Variants in MYO9A observed in about 807,000 individuals in gnomAD.
MYO9A encodes myosin IXA.
Under a neutral mutation model 293.3 loss-of-function variants are expected in MYO9A, and 103 were observed. The ratio of observed to expected loss-of-function variants is 0.35; its 90% CI spans 0.30 to 0.41. The LOEUF (loss-of-function observed/expected upper bound fraction) is 0.41, where lower values mean the gene tolerates loss of function less well. Among genes scored for constraint, MYO9A ranks in the 10% least tolerant of loss-of-function variants. The probability of loss-of-function intolerance (pLI) is 1.00; values close to 1 mark genes in which losing one functional copy is unlikely to be tolerated. For synonymous variants in MYO9A, 1,001 were observed against 1,035.7 expected, an observed-to-expected ratio of 0.97 and a Z score of 0.64; for missense variants, 2,685 against 3,033.0, an observed-to-expected ratio of 0.89 and a Z score of 2.69.
intron 30 of MYO9A, among the ~76,000 whole-genome samples, chr15:71,878,589 T>C (rs932949133): frequency 2.0e-5 from 3 of 152,314 alleles, no homozygotes; most frequent in African/African-American, 4.8e-5. Context: ...GGTTCTACTC[T>C]AAAATTGAAA....
chr15:71,832,941 C>T (rs1421253555), intron 39 of MYO9A, among the ~76,000 whole-genome samples: 1 of 151,874 alleles, frequency 6.6e-6, no homozygotes, highest in Non-Finnish European at 1.5e-5. Context: ...ACTGATAGAT[C>T]ACAGATCTGT....
intron 38 of MYO9A, 53 bp from the exon 39 acceptor site, chr15:71,849,021 A>G: frequency 6.7e-7 from 1 of 1,494,394 alleles, no homozygotes; most frequent in South Asian, 1.4e-5. Flanking sequence ...TAAATAAAGT[A>G]TAGCACTCAC....
chr15:72,087,761 T>C (rs979599301), intron 1 of MYO9A, among the ~76,000 whole-genome samples: 2 of 152,150 alleles, frequency 1.3e-5, no homozygotes, highest in Non-Finnish European at 2.9e-5. Context: ...ACCTTCCTCC[T>C]TTCTTTCTCA....
intron 33 of MYO9A, among the ~76,000 whole-genome samples, chr15:71,860,282 A>G (rs369187603): frequency 3.9e-5 from 6 of 152,348 alleles, no homozygotes; most frequent in East Asian, 1.9e-4. Context: ...TTAAGATATA[A>G]GAAAGGTCTT....
intron 33 of MYO9A, among the ~76,000 whole-genome samples, chr15:71,860,782 C>T (rs2141696667): frequency 6.6e-6 from 1 of 151,968 alleles, no homozygotes; most frequent in Non-Finnish European, 1.5e-5. Context: ...GCCTGATCAA[C>T]ATGGTAAAAC....
At chr15:72,097,871 C>T (rs2080115990) in intron 1 of MYO9A, among the ~76,000 whole-genome samples, 1 of 152,088 alleles carries the variant, frequency 6.6e-6, no homozygotes, top group South Asian at 2.1e-4. Flanking sequence ...GATCACACCA[C>T]TTCACTCCAG....
At chr15:72,064,698 T>C (rs1566999776) in intron 1 of MYO9A, among the ~76,000 whole-genome samples, 2 of 152,270 alleles carry the variant, frequency 1.3e-5, no homozygotes, top group East Asian at 1.9e-4. Flanking sequence ...AAACAAAATA[T>C]ACGTAAGGTC....
intron 1 of MYO9A, among the ~76,000 whole-genome samples, chr15:72,078,264 T>C (rs2079432917): frequency 6.6e-6 from 1 of 152,044 alleles, no homozygotes; most frequent in Admixed American, 6.6e-5. Context: ...AAGGCTGAGG[T>C]GGGAGGAACG....
intron 1 of MYO9A, among the ~76,000 whole-genome samples, chr15:72,078,883 T>C (rs1412737674): frequency 6.6e-6 from 1 of 152,328 alleles, no homozygotes; most frequent in Non-Finnish European, 1.5e-5. Context: ...GCCTATGTAC[T>C]GTATGATTCC....
At chr15:72,050,627 T>TAAAC (rs768371282) in intron 1 of MYO9A, among the ~76,000 whole-genome samples, 41 of 150,722 alleles carry the variant, frequency 2.7e-4, no homozygotes, top group Non-Finnish European at 5.3e-4. Context: ...AATAAATAAA[T>TAAAC]AAACAAACAA....
At chr15:71,925,436 C>T (rs143199732) in intron 18 of MYO9A, among the ~76,000 whole-genome samples, 4 of 150,704 alleles carry the variant, frequency 2.7e-5, no homozygotes, top group African/African-American at 7.4e-5. Context: ...TATATAGATA[C>T]GTATATACAT....
At chr15:71,892,047 T>C (rs1163627016) in intron 26 of MYO9A, 1 of 152,180 alleles carries the variant, frequency 6.6e-6, no homozygotes, top group African/African-American at 2.4e-5. Flanking sequence ...ATCAGTGATG[T>C]TCTGGTTCAT....
chr15:72,076,756 T>C (rs960905683), intron 1 of MYO9A, among the ~76,000 whole-genome samples: 24 of 152,244 alleles, frequency 1.6e-4, no homozygotes, highest in Admixed American at 1.0e-3. Flanking sequence ...ATCGTTTATA[T>C]GGAAAAGTAA....
intron 32 of MYO9A, among the ~76,000 whole-genome samples, chr15:71,867,075 AACACACACAC>A (rs35264363): frequency 9.5e-5 from 14 of 148,098 alleles, no homozygotes; most frequent in Middle Eastern, 3.4e-3. Context: ...CAAAAAACAA[AACACACACAC>A]ACACACACAC....
rs772970119 is a variant in MYO9A, at chr15:71,902,920, A to T, written c.3000+21T>A. 4 of 1,542,496 alleles carry T rather than the reference A, an allele frequency of 2.6e-6. No individual in the cohort carries two copies. The East Asian group carries it at 9.1e-5, about 35-fold the overall frequency. On this transcript the variant is annotated intron_variant, in intron 22 of 41. Transcript: ENST00000356056. ...AATAAATGCACTCAATTTTGACCAGAGCTATACAGATTATATTTACCATGG... is the reference window on the plus strand; with the variant it reads ...AATAAATGCACTCAATTTTGACCAGTGCTATACAGATTATATTTACCATGG...
chr15:71,990,351 C>A (rs2076509109), intron 11 of MYO9A, among the ~76,000 whole-genome samples: 1 of 152,042 alleles, frequency 6.6e-6, no homozygotes, highest in Non-Finnish European at 1.5e-5. Context: ...TCCCAAAATG[C>A]TGGGATTGTC....
intron 4 of MYO9A, among the ~76,000 whole-genome samples, chr15:72,026,253 T>C (rs1256154342): frequency 8.9e-6 from 1 of 112,490 alleles, no homozygotes; most frequent in Non-Finnish European, 1.7e-5. Flanking sequence ...AGCCCGTGCC[T>C]CAGAGCAAGA....
At chr15:72,070,111 ACAGTGAGACT>A (rs1405087758) in intron 1 of MYO9A, among the ~76,000 whole-genome samples, 2 of 140,948 alleles carry the variant, frequency 1.4e-5, no homozygotes, top group African/African-American at 5.3e-5. Context: ...CCTGGGTGAC[ACAGTGAGACT>A]ATGTCTCAAA....
At chr15:71,856,344 T>C (rs906740289) in intron 34 of MYO9A, among the ~76,000 whole-genome samples, 1 of 151,818 alleles carries the variant, frequency 6.6e-6, no homozygotes, top group African/African-American at 2.4e-5. Flanking sequence ...CTAGTAGTGT[T>C]AGTGTGTGGA....
Sources: gnomAD v4.1 joint callset for allele counts (sites outside exome capture counted in the v4.1 genomes callset) on GRCh38, gnomAD v4.1.1 for gene constraint, MANE v1.5 for transcripts, NCBI Gene and HGNC (gene_info 2026-07-23, HGNC 2026-07-21) for gene names.